SLC35F4: variants seen among roughly 807,000 people sequenced by gnomAD.
The protein encoded by SLC35F4 is solute carrier family 35 member F4.
Under a neutral mutation model 44.2 loss-of-function variants are expected in SLC35F4, and 24 were observed. The observed-to-expected ratio is 0.54, with a 90% CI of 0.39 to 0.76. The LOEUF (loss-of-function observed/expected upper bound fraction) is 0.76, where lower values mean the gene tolerates loss of function less well. SLC35F4 is among the 30% of genes least tolerant of loss of function. The probability of loss-of-function intolerance (pLI) is 0.00; values close to 1 mark genes in which losing one functional copy is unlikely to be tolerated. For synonymous variants in SLC35F4, 238 were observed against 223.6 expected (o/e 1.06, Z -0.57); for missense variants, 562 against 586.1 (o/e 0.96, Z 0.42).
rs558401386 is a variant in SLC35F4 at position 57,865,851 on chromosome 14, G to T, written c.-26C>A. The T allele has an allele frequency of 2.4e-4, 360 of 1,472,750 alleles. No homozygotes were observed. The highest frequency in any genetic ancestry group is 1.9e-4 in the Non-Finnish European group (210 of 1,108,652). 91.2% of individuals were successfully genotyped at this position (1,472,750 alleles called of 1,614,324 possible). ...AGAGAGCGCGGGGCGACGGCCCCGAGTGCGGCGGGGCGGAGAGCGCAGCGC... is the reference window on the plus strand; with the variant it reads ...AGAGAGCGCGGGGCGACGGCCCCGATTGCGGCGGGGCGGAGAGCGCAGCGC... On this transcript the variant is annotated 5_prime_UTR_variant, in exon 1 of 8. Transcript: ENST00000556826.
chr14:57,663,982 T>A (rs2074224719), intron 1 of SLC35F4, among the ~76,000 whole-genome samples: 3 of 147,640 alleles, frequency 2.0e-5, no homozygotes, highest in Admixed American at 6.7e-5. Flanking sequence ...AATAAAAAGT[T>A]GGATGTTCAG....
At chr14:57,945,303 G>C (rs767737743) in intron 1 of SLC35F4, among the ~76,000 whole-genome samples, 1 of 151,970 alleles carries the variant, frequency 6.6e-6, no homozygotes, top group Non-Finnish European at 1.5e-5. Context: ...AACCCTGAAA[G>C]CTACTATTTC....
chr14:57,973,334 C>T (rs537387173), downstream of SLC35F4, among the ~76,000 whole-genome samples: 44 of 152,304 alleles, frequency 2.9e-4, 1 homozygote, highest in South Asian at 8.7e-3. Context: ...CCAGAGAACC[C>T]AGGAGGCTGC....
intron 1 of SLC35F4, among the ~76,000 whole-genome samples, chr14:57,827,213 A>G (rs899644917): frequency 4.6e-5 from 7 of 152,338 alleles, no homozygotes; most frequent in African/African-American, 1.7e-4. Context: ...TTGCATGGAC[A>G]TGGATGGAGC....
At position 57,925,087 on chromosome 14, in the gene SLC35F4, C is replaced by A. The variant is rs758126035; in HGVS notation, n.282+56826G>T. Among the ~76,000 whole-genome samples, 157 of 152,090 alleles carry A rather than the reference C, an allele frequency of 1.0e-3. 1 individual carries two copies. The highest frequency in any genetic ancestry group is 1.8e-3 in the Non-Finnish European group (120 of 67,978). On this transcript the variant is annotated intron_variant and non_coding_transcript_variant, in intron 1 of 1. Transcript: ENST00000556568. ...TCTTTTTAACAAGCTCTCGCAGGAA[C>A]TAATAAAGTGAGAATTCACTCATCC...
chr14:57,672,768 G>A (rs1453283763), intron 1 of SLC35F4, among the ~76,000 whole-genome samples: 1 of 103,086 alleles, frequency 9.7e-6, no homozygotes, highest in Non-Finnish European at 1.9e-5. Context: ...AGACCTAGAA[G>A]GTAAATTTTA....
intron 1 of SLC35F4, among the ~76,000 whole-genome samples, chr14:57,618,739 C>T (rs1311387625): frequency 1.3e-5 from 2 of 152,228 alleles, no homozygotes; most frequent in East Asian, 3.9e-4. Context: ...GCAAAGTGGT[C>T]TGCCTTGGCA....
intron 1 of SLC35F4, among the ~76,000 whole-genome samples, chr14:57,828,984 G>A (rs1455169477): frequency 6.6e-6 from 1 of 152,162 alleles, no homozygotes; most frequent in Non-Finnish European, 1.5e-5. Flanking sequence ...CCTTTTAAAT[G>A]CCCTTGGAGT....
At chr14:57,787,428 T>C (rs1461231880) in intron 1 of SLC35F4, among the ~76,000 whole-genome samples, 1 of 152,204 alleles carries the variant, frequency 6.6e-6, no homozygotes, top group East Asian at 1.9e-4. Flanking sequence ...GGGAAATTCA[T>C]CGTAAAAAGA....
intron 5 of SLC35F4, among the ~76,000 whole-genome samples, chr14:57,570,374 C>T (rs573854571): frequency 6.6e-6 from 1 of 152,226 alleles, no homozygotes; most frequent in African/African-American, 2.4e-5. Context: ...TTGATAGATA[C>T]TGAAAACTAA....
At chr14:57,646,364 A>G (rs1191046350) in intron 1 of SLC35F4, among the ~76,000 whole-genome samples, 3 of 152,012 alleles carry the variant, frequency 2.0e-5, no homozygotes, top group Admixed American at 2.0e-4. Flanking sequence ...GGGTGTATGT[A>G]TGGAGGAATT....
At chr14:57,672,502 A>C (rs78217532) in intron 1 of SLC35F4, among the ~76,000 whole-genome samples, 22,701 of 152,118 alleles carry the variant, frequency 0.15, 1,921 homozygotes, top group East Asian at 0.29. Flanking sequence ...ACTTTTTCCT[A>C]CTAAGCCCAC....
intron 1 of SLC35F4, among the ~76,000 whole-genome samples, chr14:57,822,651 A>C (rs778010280): frequency 7.2e-5 from 11 of 152,184 alleles, no homozygotes; most frequent in Non-Finnish European, 1.3e-4. Flanking sequence ...TCTCTATGCA[A>C]AAAGCAGTGG....
chr14:57,751,898 C>A (rs2140565331), intron 1 of SLC35F4, among the ~76,000 whole-genome samples: 1 of 150,358 alleles, frequency 6.7e-6, no homozygotes, highest in South Asian at 2.2e-4. Context: ...TAAAAATAAG[C>A]CCTTAAAAAA....
rs188120604 is a variant in SLC35F4 at position 57,608,618 on chromosome 14, G to A, written c.104-14494C>T. 1.2e-3 allele frequency among the ~76,000 whole-genome samples: 182 copies of A among 152,214 alleles called. 2 individuals carry two copies. The highest frequency in any genetic ancestry group is 4.3e-3 in the African/African-American group (177 of 41,500). The stretch of plus-strand genomic sequence containing the variant: ...TTCTGTTGTTTCAGCCACCATGTTT[G>A]TGGAACTTTGTTACAGCAGCCCTAG... On this transcript the variant is annotated intron_variant, in intron 1 of 7. Transcript: ENST00000556826.
chr14:57,801,493 C>G (rs1471691335), intron 1 of SLC35F4, among the ~76,000 whole-genome samples: 1 of 152,146 alleles, frequency 6.6e-6, no homozygotes, highest in Non-Finnish European at 1.5e-5. Context: ...ATCATGGTGA[C>G]AAAAGCACAC....
At chr14:57,803,207 A>C (rs566679072) in intron 1 of SLC35F4, among the ~76,000 whole-genome samples, 1 of 152,306 alleles carries the variant, frequency 6.6e-6, no homozygotes, top group African/African-American at 2.4e-5. Flanking sequence ...CAAAAACCAC[A>C]CGATTATCTC....
At chr14:57,857,342 A>G (rs1240860829) in intron 1 of SLC35F4, among the ~76,000 whole-genome samples, 1 of 152,044 alleles carries the variant, frequency 6.6e-6, no homozygotes, top group Non-Finnish European at 1.5e-5. Flanking sequence ...GTAAGGATGC[A>G]CAAATGCAGA....
intron 1 of SLC35F4, among the ~76,000 whole-genome samples, chr14:57,919,600 G>GACC (rs1263471561): frequency 6.6e-6 from 1 of 152,102 alleles, no homozygotes; most frequent in African/African-American, 2.4e-5. Flanking sequence ...TCCAGGGGTG[G>GACC]ACCAGTAACT....
Sources: allele counts gnomAD v4.1 joint callset (sites outside exome capture counted in the v4.1 genomes callset), GRCh38; gene constraint gnomAD v4.1.1; transcripts MANE v1.5; gene names NCBI Gene and HGNC (gene_info 2026-07-23, HGNC 2026-07-21).